PCCA: variants seen among roughly 807,000 people sequenced by gnomAD.
The protein encoded by PCCA is propionyl-CoA carboxylase alpha chain, mitochondrial.
In PCCA, 74 loss-of-function variants were observed where a neutral mutation model predicts 101.3. That is an observed-to-expected ratio of 0.73 (90% CI 0.61 to 0.89). The LOEUF (loss-of-function observed/expected upper bound fraction) is 0.89, where lower values mean the gene tolerates loss of function less well. Among genes scored for constraint, PCCA ranks in the 40% least tolerant of loss-of-function variants. PCCA has a pLI of 0.00. For missense variants in PCCA, 891 were observed against 907.0 expected (o/e 0.98, Z 0.23); for synonymous variants, 294 against 313.6 (o/e 0.94, Z 0.66).
At chr13:100,447,838 T>G (rs1421499212) in intron 20 of PCCA, among the ~76,000 whole-genome samples, 1 of 152,216 alleles carries the variant, frequency 6.6e-6, no homozygotes, top group African/African-American at 2.4e-5. Flanking sequence ...AACCACTGTC[T>G]TTCTTATTGA....
chr13:100,378,269 G>C (rs1049438260), intron 19 of PCCA, among the ~76,000 whole-genome samples: 5 of 152,096 alleles, frequency 3.3e-5, no homozygotes, highest in Non-Finnish European at 5.9e-5. Context: ...ATTCTCTCCT[G>C]GTATGTGTGG....
intron 4 of PCCA, 128 bp downstream of exon 4, chr13:100,112,189 A>G (rs758617830): frequency 2.9e-6 from 2 of 698,858 alleles, no homozygotes; most frequent in Non-Finnish European, 5.1e-6. Context: ...TTACTTGTTC[A>G]CTGTTGTGTT....
intron 7 of PCCA, among the ~76,000 whole-genome samples, chr13:100,219,071 A>C (rs2059674281): frequency 6.6e-6 from 1 of 151,900 alleles, no homozygotes; most frequent in Non-Finnish European, 1.5e-5. Context: ...AGCCTGGTTC[A>C]CTCCCTGATT....
chr13:100,143,538 AAAAAAAAAAAAAT>A (rs1238403421), intron 4 of PCCA, among the ~76,000 whole-genome samples: 6 of 135,232 alleles, frequency 4.4e-5, no homozygotes, highest in East Asian at 4.0e-4. Context: ...CTGCATCCAC[AAAAAAAAAAAAAT>A]AAAAAAAAAA....
chr13:100,209,519 A>G, intron 7 of PCCA, 56 bp downstream of exon 7: 2 of 1,462,594 alleles, frequency 1.4e-6, no homozygotes, highest in South Asian at 1.1e-5. Flanking sequence ...CATTTTGTCA[A>G]AAGTATAAGA....
At chr13:100,236,570 C>T (rs2060811324) in intron 8 of PCCA, 1 of 152,484 alleles carries the variant, frequency 6.6e-6, no homozygotes, top group African/African-American at 2.4e-5. Context: ...AAGCGATTCT[C>T]CTGCCTCAGC....
chr13:100,299,184 C>A (rs964301175), intron 12 of PCCA, among the ~76,000 whole-genome samples: 1 of 152,066 alleles, frequency 6.6e-6, no homozygotes, highest in East Asian at 1.9e-4. Context: ...ACTTGTAGCT[C>A]CCTAATTTAG....
intron 6 of PCCA, among the ~76,000 whole-genome samples, chr13:100,170,495 C>T (rs911020249): frequency 4.6e-5 from 7 of 152,166 alleles, no homozygotes; most frequent in African/African-American, 1.7e-4. Flanking sequence ...TACAATGTTC[C>T]TAAGTTACCA....
chr13:100,359,652 G>T (rs544130601), intron 18 of PCCA, among the ~76,000 whole-genome samples: 1 of 152,192 alleles, frequency 6.6e-6, no homozygotes, highest in African/African-American at 2.4e-5. Context: ...CCTAATGATT[G>T]CAAAGGAAGC....
intron 7 of PCCA, among the ~76,000 whole-genome samples, chr13:100,224,671 G>A (rs1159277254): frequency 1.3e-5 from 2 of 152,212 alleles, no homozygotes; most frequent in African/African-American, 4.8e-5. Flanking sequence ...AAGGCGCAGG[G>A]GCCTATGCAT....
chr13:100,360,252 C>T (rs1014661073), intron 18 of PCCA, among the ~76,000 whole-genome samples: 2 of 151,988 alleles, frequency 1.3e-5, no homozygotes, highest in Non-Finnish European at 2.9e-5. Flanking sequence ...GACCTGCCCC[C>T]ATATTCAGTC....
intron 10 of PCCA, among the ~76,000 whole-genome samples, chr13:100,264,244 T>TATATATGTGATATCTGTATCTC (rs2062782496): frequency 6.7e-6 from 1 of 149,508 alleles, no homozygotes; most frequent in African/African-American, 2.5e-5. Flanking sequence ...CTGTATATCA[T>TATATATGTGATATCTGTATCTC]ATATATGTGA....
chr13:100,368,662 C>A, intron 19 of PCCA, 88 bp downstream of exon 19: 1 of 827,784 alleles, frequency 1.2e-6, no homozygotes, highest in Non-Finnish European at 2.1e-6. Context: ...TGACTCTCGT[C>A]TTTTGAATTT....
intron 22 of PCCA, among the ~76,000 whole-genome samples, chr13:100,522,521 G>A (rs375989644): frequency 6.6e-6 from 1 of 152,158 alleles, no homozygotes; most frequent in South Asian, 2.1e-4. Flanking sequence ...TTCCTGGGGG[G>A]CGGGGCGGCT....
At chr13:100,216,366 A>G (rs907203397) in intron 7 of PCCA, among the ~76,000 whole-genome samples, 4 of 152,250 alleles carry the variant, frequency 2.6e-5, no homozygotes, top group Non-Finnish European at 4.4e-5. Flanking sequence ...GATAAGGTAA[A>G]AAAAGATAAT....
intron 21 of PCCA, chr13:100,464,548 G>A (rs926549684): frequency 2.0e-5 from 3 of 152,028 alleles, no homozygotes; most frequent in South Asian, 2.1e-4. Context: ...AGTCTCCACC[G>A]AGTCTTCAAT....
intron 19 of PCCA, 56 bp from the exon 20 acceptor site, chr13:100,425,577 T>G: frequency 2.8e-4 from 335 of 1,185,312 alleles, no homozygotes; most frequent in Non-Finnish European, 3.8e-4. Flanking sequence ...GCAATGAACT[T>G]GAGATCAGTT....
At chr13:100,451,368 C>G (rs2081213614) in intron 21 of PCCA, among the ~76,000 whole-genome samples, 1 of 152,178 alleles carries the variant, frequency 6.6e-6, no homozygotes, top group Non-Finnish European at 1.5e-5. Flanking sequence ...GATAATTCTT[C>G]CAGAAAATTA....
intron 21 of PCCA, among the ~76,000 whole-genome samples, chr13:100,475,950 AT>A (rs1313250795): frequency 1.3e-5 from 2 of 152,130 alleles, no homozygotes; most frequent in Admixed American, 6.5e-5. Flanking sequence ...AATTTGTTTT[AT>A]TTTTTTAAAA....
Sources: gnomAD v4.1 joint callset for allele counts (sites outside exome capture counted in the v4.1 genomes callset) on GRCh38, gnomAD v4.1.1 for gene constraint, MANE v1.5 for transcripts, NCBI Gene and HGNC (gene_info 2026-07-23, HGNC 2026-07-21) for gene names.